GRIA4: variants seen among roughly 807,000 people sequenced by gnomAD.
GRIA4 encodes glutamate receptor 4.
A neutral mutation model predicts 104.0 loss-of-function variants in GRIA4; 34 were observed. The observed-to-expected ratio is 0.33, with a 90% CI of 0.25 to 0.44. The LOEUF (loss-of-function observed/expected upper bound fraction) is 0.44, where lower values mean the gene tolerates loss of function less well. Ranked by LOEUF, GRIA4 falls within the 20% of genes least tolerant of loss-of-function variation. The pLI, the probability that GRIA4 is intolerant of heterozygous loss-of-function variation, is 1.00. For missense variants in GRIA4, 750 were observed against 1,096.5 expected, an observed-to-expected ratio of 0.68 and a Z score of 4.46; for synonymous variants, 386 against 381.9, an observed-to-expected ratio of 1.01 and a Z score of -0.13.
chr11:105,905,983 C>G (rs1013135168), intron 9 of GRIA4, among the ~76,000 whole-genome samples: 2 of 152,030 alleles, frequency 1.3e-5, no homozygotes, highest in African/African-American at 4.8e-5. Flanking sequence ...TGTTTTGTAG[C>G]TAACTCATGT....
At chr11:105,710,063 C>A (rs1468448449) in intron 3 of GRIA4, among the ~76,000 whole-genome samples, 1 of 152,022 alleles carries the variant, frequency 6.6e-6, no homozygotes, top group East Asian at 1.9e-4. Flanking sequence ...TGTAGCATAT[C>A]CTTAGTGAAG....
chr11:105,789,569 C>T (rs891481312), intron 4 of GRIA4, among the ~76,000 whole-genome samples: 2 of 152,114 alleles, frequency 1.3e-5, no homozygotes, highest in African/African-American at 4.8e-5. Context: ...GGTGCTGGAT[C>T]TGAAGGGCCT....
At chr11:105,816,501 T>C (rs1336156225) in intron 4 of GRIA4, among the ~76,000 whole-genome samples, 6 of 152,170 alleles carry the variant, frequency 3.9e-5, no homozygotes, top group Non-Finnish European at 8.8e-5. Flanking sequence ...CTGTTTCACC[T>C]TCTGCTATGA....
rs147321754 is a variant in GRIA4 at position 105,704,764 on chromosome 11, A to G, written c.248-48217A>G. Among the ~76,000 whole-genome samples the G allele has an allele frequency of 3.2e-3, 494 of 152,284 alleles. 12 individuals are homozygous for G. Among genetic ancestry groups the G allele is most frequent in the Non-Finnish European group, 1.3e-3 (89 of 68,004 alleles). On this transcript the variant is annotated intron_variant, in intron 3 of 16. Coordinates refer to ENST00000282499, the MANE Select transcript of GRIA4 (RefSeq NM_000829.4). ...TTAAAACATCCCCAAAAGATGCAAA[A>G]GTAGACTCGAATAAGTGAGAAGACA...
intron 3 of GRIA4, among the ~76,000 whole-genome samples, chr11:105,670,518 A>G (rs1389349494): frequency 6.6e-6 from 1 of 152,142 alleles, no homozygotes; most frequent in Admixed American, 6.6e-5. Flanking sequence ...TACTTTATCA[A>G]ACTATTTTAC....
intron 3 of GRIA4, among the ~76,000 whole-genome samples, chr11:105,619,534 G>A (rs888582686): frequency 1.3e-5 from 2 of 151,646 alleles, no homozygotes; most frequent in East Asian, 1.9e-4. Context: ...TTTAAATCAC[G>A]TACAGAAGTC....
chr11:105,837,249 T>C (rs899372186), intron 4 of GRIA4, among the ~76,000 whole-genome samples: 10 of 152,096 alleles, frequency 6.6e-5, no homozygotes, highest in Non-Finnish European at 1.2e-4. Flanking sequence ...GGGATTACAA[T>C]TCGAGATGAG....
At chr11:105,931,288 A>G (rs1257531247) in intron 13 of GRIA4, among the ~76,000 whole-genome samples, 4 of 151,890 alleles carry the variant, frequency 2.6e-5, no homozygotes, top group Non-Finnish European at 4.4e-5. Context: ...ACACACACAC[A>G]CACACACACA....
intron 4 of GRIA4, among the ~76,000 whole-genome samples, chr11:105,785,605 T>G (rs941275327): frequency 2.6e-5 from 4 of 152,164 alleles, no homozygotes; most frequent in Admixed American, 2.0e-4. Context: ...GTCCTTCCCA[T>G]GGGAACTGAC....
chr11:105,743,141 T>G (rs1487772668), intron 3 of GRIA4, among the ~76,000 whole-genome samples: 2 of 152,138 alleles, frequency 1.3e-5, no homozygotes, highest in African/African-American at 4.8e-5. Flanking sequence ...CATTTCTAGG[T>G]ATCATTTATC....
intron 3 of GRIA4, among the ~76,000 whole-genome samples, chr11:105,665,640 T>A (rs1952142431): frequency 6.6e-6 from 1 of 152,006 alleles, no homozygotes; most frequent in South Asian, 2.1e-4. Flanking sequence ...AAGCTATTAA[T>A]TAATTCCTGT....
At chr11:105,680,448 A>C (rs965047302) in intron 3 of GRIA4, among the ~76,000 whole-genome samples, 9 of 152,110 alleles carry the variant, frequency 5.9e-5, no homozygotes, top group African/African-American at 1.9e-4. Flanking sequence ...TGAATCTTCA[A>C]AAAAAGGTCA....
At chr11:105,684,546 C>CAT (rs72399419) in intron 3 of GRIA4, among the ~76,000 whole-genome samples, 19,238 of 144,850 alleles carry the variant, frequency 0.13, 1,613 homozygotes, top group African/African-American at 0.24. Context: ...TATATATATA[C>CAT]ATATATATAT....
intron 3 of GRIA4, among the ~76,000 whole-genome samples, chr11:105,702,856 G>A (rs1953552984): frequency 6.6e-6 from 1 of 151,542 alleles, no homozygotes; most frequent in Non-Finnish European, 1.5e-5. Context: ...TATGACACCC[G>A]GCTAATTTTT....
chr11:105,813,934 C>T (rs535155476), intron 4 of GRIA4, among the ~76,000 whole-genome samples: 1 of 152,236 alleles, frequency 6.6e-6, no homozygotes, highest in South Asian at 2.1e-4. Context: ...CCTGGAAAGC[C>T]TGTCTTTCAG....
At chr11:105,849,463 C>G (rs1275878529) in intron 4 of GRIA4, among the ~76,000 whole-genome samples, 2 of 152,146 alleles carry the variant, frequency 1.3e-5, no homozygotes, top group Admixed American at 6.5e-5. Flanking sequence ...ATCTACAGAT[C>G]TGGAATATAT....
intron 4 of GRIA4, among the ~76,000 whole-genome samples, chr11:105,832,176 A>T (rs1220644152): frequency 1.3e-5 from 2 of 151,992 alleles, no homozygotes; most frequent in African/African-American, 2.4e-5. Flanking sequence ...CCAGTAGAGC[A>T]TTCTGAGAAA....
At chr11:105,932,340 T>C (rs1010716523) in intron 13 of GRIA4, among the ~76,000 whole-genome samples, 1 of 152,102 alleles carries the variant, frequency 6.6e-6, no homozygotes, top group African/African-American at 2.4e-5. Flanking sequence ...GGTTTCACCA[T>C]GTTGGCCAGG....
At chr11:105,634,468 GGAAAGAAA>G (rs751748317) in intron 3 of GRIA4, among the ~76,000 whole-genome samples, 1,960 of 94,246 alleles carry the variant, frequency 0.021, 101 homozygotes, top group Admixed American at 0.13. Flanking sequence ...AGAAAGAAAG[GGAAAGAAA>G]GAAAGAAAGA....
Sources: gnomAD v4.1 joint callset for allele counts (sites outside exome capture counted in the v4.1 genomes callset) on GRCh38, gnomAD v4.1.1 for gene constraint, MANE v1.5 for transcripts, NCBI Gene and HGNC (gene_info 2026-07-23, HGNC 2026-07-21) for gene names.